Variants in TECPR1 observed in about 807,000 individuals in gnomAD.
The protein encoded by TECPR1 is tectonin beta-propeller repeat containing 1, also known as tectonin beta-propeller repeat-containing protein 1.
Under a neutral mutation model 162.4 loss-of-function variants are expected in TECPR1, and 122 were observed. The ratio of observed to expected loss-of-function variants is 0.75; its 90% confidence interval spans 0.65 to 0.87. The LOEUF (loss-of-function observed/expected upper bound fraction) is 0.87. Among genes scored for constraint, TECPR1 ranks in the 40% least tolerant of loss-of-function variants. TECPR1 has a pLI of 0.00. For missense variants in TECPR1, 1,432 were observed against 1,618.2 expected (o/e 0.88, Z 1.97); for synonymous variants, 642 against 670.6 (o/e 0.96, Z 0.66).
rs1386070401 is a variant in TECPR1, at chr7:98,246,184, G to A, written c.-19-19C>T. On this transcript the variant is annotated intron_variant, in intron 2 of 25. Coordinates refer to ENST00000447648, the MANE Select transcript of TECPR1 (RefSeq NM_015395.3). Reference sequence around the variant, plus strand: ...AGGTAACCTGCGGCAGGAGGACGAGGGCCAGCGTTCAGGCTCCCAGCCCAG... The same window carrying A: ...AGGTAACCTGCGGCAGGAGGACGAGAGCCAGCGTTCAGGCTCCCAGCCCAG... 1 of 1,511,252 alleles carries A rather than the reference G, an allele frequency of 6.6e-7. No homozygotes were observed. The highest frequency in any genetic ancestry group is 9.0e-7 in the Non-Finnish European group (1 of 1,116,526). 93.6% of individuals were successfully genotyped at this position (1,511,252 alleles called of 1,614,324 possible).
At chr7:98,224,736 C>T in intron 19 of TECPR1, 65 bp downstream of exon 19, 1 of 1,458,308 alleles carries the variant, frequency 6.9e-7, no homozygotes, top group Non-Finnish European at 9.3e-7. Context: ...AGGCCAGAGG[C>T]CACACACTCC....
At chr7:98,246,514 C>T (rs1192592199) in intron 2 of TECPR1, among the ~76,000 whole-genome samples, 1 of 152,172 alleles carries the variant, frequency 6.6e-6, no homozygotes, top group Admixed American at 6.5e-5. Flanking sequence ...ATCTGCCTGC[C>T]TCAGCCTCCC....
intron 19 of TECPR1, among the ~76,000 whole-genome samples, chr7:98,224,138 C>T (rs1465368855): frequency 1.3e-5 from 2 of 152,174 alleles, no homozygotes; most frequent in African/African-American, 2.4e-5. Context: ...CGAGGCTGAG[C>T]GGAGGGTGGT....
At chr7:98,242,394 C>T (rs1357834525) in intron 6 of TECPR1, among the ~76,000 whole-genome samples, 1 of 152,110 alleles carries the variant, frequency 6.6e-6, no homozygotes, top group Non-Finnish European at 1.5e-5. Context: ...CTCTAAACAG[C>T]CACAGATCCA....
Position 98,218,044 on chromosome 7 carries a change from T to C in TECPR1, c.3158-2A>G, listed in dbSNP as rs1798058798. ...TCCCTTGGCGATACCACAGGTTTCC[T>C]GGGGAGAAAAGCAGTGAGGGTCAAA... On this transcript the variant is annotated splice_acceptor_variant, in intron 23 of 25. Transcript: ENST00000447648. LOFTEE classifies it high-confidence loss of function. 1.3e-6 allele frequency: 2 copies of C among 1,559,456 alleles called. No homozygotes were observed. The highest frequency in any genetic ancestry group is 1.7e-6 in the Non-Finnish European group (2 of 1,152,332).
At chr7:98,245,098 G>T in intron 3 of TECPR1, 31 bp from the exon 4 acceptor site, 1 of 1,556,234 alleles carries the variant, frequency 6.4e-7, no homozygotes. Flanking sequence ...GGCGGCCTTG[G>T]ACCCAAGCCT....
intron 14 of TECPR1, 33 bp downstream of exon 14, chr7:98,231,191 C>T (rs763864736): frequency 1.2e-6 from 2 of 1,608,408 alleles, no homozygotes; most frequent in South Asian, 1.1e-5. Context: ...GGCTATCCCT[C>T]CCCCCGGCCC....
At position 98,241,008 on chromosome 7, in the gene TECPR1, C is replaced by A; in HGVS notation, c.833-57G>T. 6.3e-7 allele frequency: 1 copy of A among 1,584,234 alleles called. No homozygotes were observed. Among genetic ancestry groups the A allele is most frequent in the African/African-American group, 1.3e-5 (1 of 74,366 alleles). Reference sequence around the variant, plus strand: ...CCCATCAGCCTGGACAGCTGGGGAGCGAGTGACCCTCACCCTTCTCCCCAG... The same window carrying A: ...CCCATCAGCCTGGACAGCTGGGGAGAGAGTGACCCTCACCCTTCTCCCCAG... On this transcript the variant is annotated intron_variant, in intron 7 of 25. Transcript: ENST00000447648. The surrounding 1 kb of genome is among the most constrained non-coding windows in gnomAD (Gnocchi z 5.0).
intron 10 of TECPR1, among the ~76,000 whole-genome samples, chr7:98,235,835 A>AAAAAAAAAAAAAAAAAC: frequency 1.6e-5 from 2 of 122,624 alleles, no homozygotes; most frequent in African/African-American, 2.7e-5. Flanking sequence ...CTCAAAAAAA[A>AAAAAAAAAAAAAAAAAC]AAAAAAAAAA....
Position 98,217,232 on chromosome 7 carries a change from G to A in TECPR1, c.*158C>T, listed in dbSNP as rs532884774. ...AGCTTCACATTTCAGGGCCGTCTCA[G>A]CCAGTGCCTCTGAAGTGGCCGCAGC... On this transcript the variant is annotated 3_prime_UTR_variant, in exon 26 of 26. Coordinates refer to ENST00000447648, the MANE Select transcript of TECPR1 (RefSeq NM_015395.3). The A allele has an allele frequency of 1.9e-4, 116 of 599,848 alleles. No individual in the cohort carries two copies. Among genetic ancestry groups the A allele is most frequent in the Non-Finnish European group, 3.1e-4 (104 of 338,844 alleles). The allele number at this position is 599,848 out of a possible 1,614,324, so 37.2% of individuals were successfully genotyped here. A position where few individuals can be genotyped will look rare whatever the true frequency, so the allele number is the denominator to read the frequency against.
chr7:98,235,963 A>G (rs962678897), intron 10 of TECPR1, among the ~76,000 whole-genome samples: 14 of 152,198 alleles, frequency 9.2e-5, no homozygotes, highest in African/African-American at 3.1e-4. Context: ...CACCAGGCTC[A>G]GGGCACAGAG....
At chr7:98,240,443 C>T (rs1042255891) in intron 8 of TECPR1, among the ~76,000 whole-genome samples, 2 of 151,988 alleles carry the variant, frequency 1.3e-5, no homozygotes, top group Non-Finnish European at 2.9e-5. Flanking sequence ...TTTTTTGAGA[C>T]GGAGTCTTTC....
In TECPR1 at chr7:98,236,786, T is replaced by C; in HGVS notation, c.1171A>G (p.Ser391Gly). Residue 391 changes from serine to glycine, a missense_variant, in exon 10 of 26, where the codon AGT (serine) becomes GGT (glycine). Ser to Gly is a moderately conservative substitution (Grantham distance 56, BLOSUM62 0). Coordinates refer to ENST00000447648, the MANE Select transcript of TECPR1 (RefSeq NM_015395.3). Reference sequence around the variant, plus strand: ...GCCACCCCCAGTCACCTGAGGAGACTAGACGAGCTGCCAGAGTGTGACCGG... The same window carrying C: ...GCCACCCCCAGTCACCTGAGGAGACCAGACGAGCTGCCAGAGTGTGACCGG... ...CDRSHSGSSS[S>G]LLSAGCFFGD... The C allele has an allele frequency of 6.3e-7, 1 of 1,593,718 alleles. No homozygotes were observed.
intron 2 of TECPR1, among the ~76,000 whole-genome samples, chr7:98,248,883 C>T (rs7796762): frequency 0.37 from 54,154 of 148,066 alleles, 11,662 homozygotes; most frequent in Middle Eastern, 0.56. Context: ...TCTTTGGGGA[C>T]AAGGTGCATC....
intron 2 of TECPR1, among the ~76,000 whole-genome samples, chr7:98,249,490 C>T (rs1799006707): frequency 6.6e-6 from 1 of 152,152 alleles, no homozygotes; most frequent in Non-Finnish European, 1.5e-5. Context: ...CCTGGTGACC[C>T]CTTCGTGCCT....
chr7:98,231,709 C>A (rs1798445715), intron 13 of TECPR1, 95 bp downstream of exon 13: 2 of 1,476,208 alleles, frequency 1.4e-6, no homozygotes, highest in Non-Finnish European at 9.2e-7. Flanking sequence ...ATTTCTGTAC[C>A]CCTCCCCTGG....
intron 5 of TECPR1, 65 bp from the exon 6 acceptor site, chr7:98,243,657 C>A (rs1040238466): frequency 1.3e-6 from 2 of 1,544,512 alleles, no homozygotes; most frequent in African/African-American, 2.7e-5. Flanking sequence ...ATGCACCCAC[C>A]TCCCGCCCGC....
chr7:98,232,698 G>T lies in TECPR1; in HGVS notation c.1818+129C>A. 1 of 1,214,548 alleles carries T rather than the reference G, an allele frequency of 8.2e-7. No individual in the cohort carries two copies. The highest frequency in any genetic ancestry group is 1.1e-6 in the Non-Finnish European group (1 of 901,376). The allele number at this position is 1,214,548 out of a possible 1,614,324, so 75.2% of individuals were successfully genotyped here. On this transcript the variant is annotated intron_variant, in intron 12 of 25. Coordinates refer to ENST00000447648, the MANE Select transcript of TECPR1 (RefSeq NM_015395.3). This position sits in a 1 kb window ranked among gnomAD's most constrained non-coding sequence, Gnocchi z 4.6. ...ACCCTGAGCTCATTTCTCTATGCCTGCATCTGGGCGGGAGACCAGGGGATG... is the reference window on the plus strand; with the variant it reads ...ACCCTGAGCTCATTTCTCTATGCCTTCATCTGGGCGGGAGACCAGGGGATG...
At position 98,231,349 on chromosome 7, in the gene TECPR1, C is replaced by T. The variant is rs547498286; in HGVS notation, c.1999G>A (p.Val667Met). The T allele has an allele frequency of 1.9e-6, 3 of 1,607,512 alleles. No homozygotes were observed. Among genetic ancestry groups the T allele is most frequent in the African/African-American group, 1.3e-5 (1 of 74,862 alleles). Residue 667 changes from valine (V) to methionine (M), a missense_variant, in exon 14 of 26, where the codon GTG (valine) becomes ATG (methionine). Coordinates refer to ENST00000447648, the MANE Select transcript of TECPR1 (RefSeq NM_015395.3). ...KKYIHIFLNE[V>M]VALVPVLNET... ...TTCAGCACTGGGACCAGCGCCACCACCTCATTCAGGAATATGTGGATGTAC... is the reference window on the plus strand; with the variant it reads ...TTCAGCACTGGGACCAGCGCCACCATCTCATTCAGGAATATGTGGATGTAC...
Sources: allele counts gnomAD v4.1 joint callset (sites outside exome capture counted in the v4.1 genomes callset), GRCh38; gene constraint gnomAD v4.1.1; non-coding constraint Gnocchi (gnomAD v3.1); transcripts MANE v1.5; gene names NCBI Gene and HGNC (gene_info 2026-07-23, HGNC 2026-07-21).